Variants in TROAP observed in about 807,000 individuals in gnomAD.
TROAP encodes the protein trophinin associated protein, also known as tastin.
A neutral mutation model predicts 83.4 loss-of-function variants in TROAP; 62 were observed. The observed-to-expected ratio is 0.74, with a 90% CI of 0.61 to 0.92. The LOEUF (loss-of-function observed/expected upper bound fraction) is 0.92, where lower values mean the gene tolerates loss of function less well. TROAP is among the 40% of genes least tolerant of loss of function. The probability of loss-of-function intolerance (pLI) is 0.00; values close to 1 mark genes in which losing one functional copy is unlikely to be tolerated. For missense variants in TROAP, 876 were observed against 985.1 expected, an observed-to-expected ratio of 0.89 and a Z score of 1.48; for synonymous variants, 352 against 386.4, an observed-to-expected ratio of 0.91 and a Z score of 1.04.
At chr12:49,324,295 C>A in intron 3 of TROAP, 1 of 1,309,328 alleles carries the variant, frequency 7.6e-7, no homozygotes. Flanking sequence ...TCACTGGAGG[C>A]CAGGAGTTGG....
chr12:49,328,121 G>A (rs1225836439), intron 8 of TROAP, among the ~76,000 whole-genome samples: 1 of 149,332 alleles, frequency 6.7e-6, no homozygotes, highest in African/African-American at 2.5e-5. Flanking sequence ...GTAAGGAATT[G>A]TACACCAGTG....
Position 49,329,312 on chromosome 12 carries a change from C to T in TROAP, c.1104+68C>T. 2.5e-6 allele frequency: 4 copies of T among 1,612,584 alleles called. No homozygotes were observed. The South Asian group carries it at 3.3e-5, about 13-fold the overall frequency. ...AGGGGAGAAAGGAGATGGATGGGTA[C>T]AGGAGAGAGAAGACAGAAGCAAGGG... On this transcript the variant is annotated intron_variant, in intron 10 of 14. Transcript: ENST00000257909. This position sits in a 1 kb window ranked among gnomAD's most constrained non-coding sequence, Gnocchi z 4.5.
chr12:49,329,575 C>A lies in TROAP; in HGVS notation c.1164+121C>A. 2 of 1,243,132 alleles carry A rather than the reference C, an allele frequency of 1.6e-6. No homozygotes were observed. The highest frequency in any genetic ancestry group is 1.5e-5 in the South Asian group (1 of 67,620). 77.0% of individuals were successfully genotyped at this position (1,243,132 alleles called of 1,614,324 possible). A position where few individuals can be genotyped will look rare whatever the true frequency, so the allele number is the denominator to read the frequency against. On this transcript the variant is annotated intron_variant, in intron 11 of 14. Coordinates refer to ENST00000257909, the MANE Select transcript of TROAP (RefSeq NM_005480.4). The surrounding 1 kb of genome is among the most constrained non-coding windows in gnomAD (Gnocchi z 4.5). ...GCATGGTGGCTCACACCTGTAATCC[C>A]AGCACTTTGGGAGGCTGAGGTAGGA...
chr12:49,325,055 C>T (rs1380148663), intron 3 of TROAP, among the ~76,000 whole-genome samples: 2 of 151,558 alleles, frequency 1.3e-5, no homozygotes, highest in East Asian at 1.9e-4. Flanking sequence ...GTACTACAGG[C>T]GCGCGCCACC....
intron 3 of TROAP, 196 bp downstream of exon 3, chr12:49,324,233 G>A: frequency 6.2e-7 from 1 of 1,608,454 alleles, no homozygotes. Context: ...CTCGCCAGGT[G>A]CCATGGCTTG....
At chr12:49,327,098 A>T in intron 7 of TROAP, 111 bp from the exon 8 acceptor site, 1 of 1,352,856 alleles carries the variant, frequency 7.4e-7, no homozygotes, top group Non-Finnish European at 1.0e-6. Context: ...TGTCCCTAAT[A>T]GTGCAATGGG....
chr12:49,326,676 T>C lies in TROAP; in HGVS notation c.725T>C (p.Val242Ala), dbSNP rs1485463037. 7 of 1,558,052 alleles carry C rather than the reference T, an allele frequency of 4.5e-6. No individual in the cohort carries two copies. In the Admixed American group the frequency reaches 9.6e-5, roughly 21 times the overall value. Residue 242 changes from valine to alanine, a missense_variant, in exon 7 of 15, where the codon GTG becomes GCG. Around this residue, in one of 3 missense-constraint regions of TROAP, gnomAD observed 689 missense variants for 722.6 expected, o/e 0.95. Coordinates refer to ENST00000257909, the MANE Select transcript of TROAP (RefSeq NM_005480.4). ...RETAGSSRTS[V>A]SQASGLLLET... ...GTCCTTATTGTCATCAGGACTTCAG[T>C]GAGCCAGGCCTCAGGATTGCTCCTG...
rs1486732301 is a variant in TROAP, at chr12:49,329,584, G to A, written c.1164+130G>A. On this transcript the variant is annotated intron_variant, in intron 11 of 14. Transcript: ENST00000257909. The surrounding 1 kb of genome is among the most constrained non-coding windows in gnomAD (Gnocchi z 4.5). Reference sequence around the variant, plus strand: ...CTCACACCTGTAATCCCAGCACTTTGGGAGGCTGAGGTAGGAGGATTGCTT... The same window carrying A: ...CTCACACCTGTAATCCCAGCACTTTAGGAGGCTGAGGTAGGAGGATTGCTT... 1.7e-6 allele frequency: 2 copies of A among 1,148,312 alleles called. No homozygotes were observed. Among genetic ancestry groups the A allele is most frequent in the Admixed American group, 2.5e-5 (1 of 40,172 alleles). 71.1% of individuals were successfully genotyped at this position (1,148,312 alleles called of 1,614,324 possible). A position where few individuals can be genotyped will look rare whatever the true frequency, so the allele number is the denominator to read the frequency against.
chr12:49,324,075 TGAG>T (rs1328802345), intron 3 of TROAP, 38 bp downstream of exon 3: 6 of 1,612,292 alleles, frequency 3.7e-6, no homozygotes, highest in Non-Finnish European at 5.1e-6. Context: ...CCTCCATGGC[TGAG>T]TAGGGGACTA....
chr12:49,329,606 G>C lies in TROAP; in HGVS notation c.1164+152G>C. On this transcript the variant is annotated intron_variant, in intron 11 of 14. Transcript: ENST00000257909. The surrounding 1 kb of genome is among the most constrained non-coding windows in gnomAD (Gnocchi z 4.5). ...TTTGGGAGGCTGAGGTAGGAGGATT[G>C]CTTGAGCTCAGATCTTTGAGACCAG... The C allele has an allele frequency of 9.6e-7, 1 of 1,044,378 alleles. No individual in the cohort carries two copies. The highest frequency in any genetic ancestry group is 1.4e-6 in the Non-Finnish European group (1 of 719,170). 64.7% of individuals were successfully genotyped at this position (1,044,378 alleles called of 1,614,324 possible).
chr12:49,331,100 C>T, intron 13 of TROAP, 114 bp from the exon 14 acceptor site: 1 of 1,535,392 alleles, frequency 6.5e-7, no homozygotes, highest in Non-Finnish European at 8.9e-7. Context: ...AGGGGCTGCA[C>T]TTCCAGCCCT....
At chr12:49,331,053 A>C (rs1555173045) in intron 13 of TROAP, 110 bp downstream of exon 13, 2 of 1,541,536 alleles carry the variant, frequency 1.3e-6, no homozygotes, top group Admixed American at 1.7e-5. Context: ...CACACCTTCC[A>C]CCCTGGCCCA....
At chr12:49,324,187 C>G (rs1354659039) in intron 3 of TROAP, 150 bp downstream of exon 3, 1 of 1,614,182 alleles carries the variant, frequency 6.2e-7, no homozygotes. Flanking sequence ...GCTCTTTGCT[C>G]TTAGAAGATC....
chr12:49,323,906 G>T lies in TROAP; in HGVS notation c.206G>T (p.Arg69Met). The T allele has an allele frequency of 6.2e-7, 1 of 1,614,088 alleles. No homozygotes were observed. The highest frequency in any genetic ancestry group is 8.5e-7 in the Non-Finnish European group (1 of 1,180,030). The change falls in exon 3 of 15, where the codon AGG becomes ATG. Residue 69 changes from arginine (R) to methionine (M), a missense_variant. By Grantham distance (91) the Arg-to-Met change is moderately conservative. Coordinates refer to ENST00000257909, the MANE Select transcript of TROAP (RefSeq NM_005480.4). ...QRPLVDSAGP[R>M]PKARHQAETS... ...CCCCTCGTTGATTCAGCAGGCCCCA[G>T]GCCGAAAGCCAGGCACCAGGCAGAG...
intron 7 of TROAP, 94 bp from the exon 8 acceptor site, chr12:49,327,115 T>TGC (rs1943511447): frequency 1.3e-5 from 19 of 1,519,632 alleles, no homozygotes; most frequent in Non-Finnish European, 1.4e-5. Flanking sequence ...TGGGGCCTAT[T>TGC]AAACTAATAT....
chr12:49,331,300 C>T lies in TROAP; in HGVS notation c.2185C>T (p.Arg729Cys), dbSNP rs750459865. Residue 729 changes from arginine to cysteine, a missense_variant, in exon 14 of 15, where the codon CGT becomes TGT. Around this residue, in one of 3 missense-constraint regions of TROAP, gnomAD observed 184 missense variants for 238.3 expected, o/e 0.77. Transcript: ENST00000257909. ...LTAIHCFHEA[R>C]LDDECAFYTS... Reference sequence around the variant, plus strand: ...CGCCATCCACTGCTTCCACGAGGCTCGTCTGGACGATGAGTGTGCCTTTTA... The same window carrying T: ...CGCCATCCACTGCTTCCACGAGGCTTGTCTGGACGATGAGTGTGCCTTTTA... 4.3e-6 allele frequency: 7 copies of T among 1,614,210 alleles called. No individual in the cohort carries two copies. The highest frequency in any genetic ancestry group is 1.1e-5 in the South Asian group (1 of 91,086).
rs745718102 is a variant in TROAP, at chr12:49,331,294, G to C, written c.2179G>C (p.Glu727Gln). The C allele has an allele frequency of 5.6e-6, 9 of 1,614,050 alleles. No homozygotes were observed. In the Admixed American group the frequency reaches 1.5e-4, roughly 27 times the overall value. Residue 727 changes from glutamate (E) to glutamine (Q), a missense_variant, in exon 14 of 15, where the codon GAG (glutamate) becomes CAG (glutamine). Physicochemically the swap from Glu to Gln is conservative, Grantham distance 29. Coordinates refer to ENST00000257909, the MANE Select transcript of TROAP (RefSeq NM_005480.4). The part of the protein sequence containing the change: ...SCLTAIHCFH[E>Q]ARLDDECAFY... ...TTTAACCGCCATCCACTGCTTCCAC[G>C]AGGCTCGTCTGGACGATGAGTGTGC...
Position 49,328,937 on chromosome 12 carries a change from A to C in TROAP, c.902A>C (p.Asp301Ala). Reference sequence around the variant, plus strand: ...TTTTCTTCTTCACAGGACAGCCATGACTCCCACCTGATGCCCTCCCCTGCC... The same window carrying C: ...TTTTCTTCTTCACAGGACAGCCATGCCTCCCACCTGATGCCCTCCCCTGCC... The part of the protein sequence containing the change: ...REMSHTRDSH[D>A]SHLMPSPAPV... Residue 301 changes from aspartate (D) to alanine (A), a missense_variant, in exon 9 of 15, where the codon GAC becomes GCC. Coordinates refer to ENST00000257909, the MANE Select transcript of TROAP (RefSeq NM_005480.4). 6.4e-7 allele frequency: 1 copy of C among 1,568,108 alleles called. No homozygotes were observed. The highest frequency in any genetic ancestry group is 8.6e-7 in the Non-Finnish European group (1 of 1,156,382).
Position 49,325,029 on chromosome 12 carries a change from G to T in TROAP, c.338-472G>T, listed in dbSNP as rs572775674. Among the ~76,000 whole-genome samples the T allele has an allele frequency of 5.3e-5, 8 of 150,076 alleles. No individual in the cohort carries two copies. In the South Asian group the frequency reaches 1.7e-3, roughly 31 times the overall value. On this transcript the variant is annotated intron_variant, in intron 3 of 14. Transcript: ENST00000257909. ...AGGTTCAAGTGATTCTCCAGCCTCAGCCTCCTGAGTAGCTGGTACTACAGG... is the reference window on the plus strand; with the variant it reads ...AGGTTCAAGTGATTCTCCAGCCTCATCCTCCTGAGTAGCTGGTACTACAGG...
Sources: allele counts gnomAD v4.1 joint callset (sites outside exome capture counted in the v4.1 genomes callset), GRCh38; gene constraint gnomAD v4.1.1; regional missense constraint gnomAD v4.1.1; non-coding constraint Gnocchi (gnomAD v3.1); transcripts MANE v1.5; gene names NCBI Gene and HGNC (gene_info 2026-07-23, HGNC 2026-07-21).